GRIN2B: variants seen among roughly 807,000 people sequenced by gnomAD.
GRIN2B encodes glutamate receptor ionotropic, NMDA 2B.
In GRIN2B, 5 loss-of-function variants were observed where a neutral mutation model predicts 114.5. That is an observed-to-expected ratio of 0.04 (90% confidence interval 0.02 to 0.09). The LOEUF is 0.09. GRIN2B is among the 10% of genes least tolerant of loss of function. The pLI is 1.00. For missense variants in GRIN2B, 1,108 were observed against 1,943.5 expected (o/e 0.57, Z 8.08); for synonymous variants, 787 against 745.1 (o/e 1.06, Z -0.92).
At chr12:13,863,659 T>C (rs1591773011) in intron 3 of GRIN2B, among the ~76,000 whole-genome samples, 1 of 152,210 alleles carries the variant, frequency 6.6e-6, no homozygotes, top group Non-Finnish European at 1.5e-5. Flanking sequence ...TCAAAGCCCC[T>C]AAGATACATC....
intron 10 of GRIN2B, among the ~76,000 whole-genome samples, chr12:13,575,890 A>C (rs1239419667): frequency 6.6e-6 from 1 of 152,164 alleles, no homozygotes; most frequent in African/African-American, 2.4e-5. Context: ...ATGTAAAAAA[A>C]ATACTTAATA....
At chr12:13,723,861 A>G (rs1378574365) in intron 4 of GRIN2B, among the ~76,000 whole-genome samples, 1 of 103,090 alleles carries the variant, frequency 9.7e-6, no homozygotes, top group East Asian at 2.7e-4. Flanking sequence ...AACTCAGGAA[A>G]TCCTGCTGAA....
chr12:13,971,571 A>G (rs1295432997), intron 2 of GRIN2B, among the ~76,000 whole-genome samples: 2 of 152,172 alleles, frequency 1.3e-5, no homozygotes, highest in Non-Finnish European at 2.9e-5. Flanking sequence ...TCCAACTAGC[A>G]CTCAGATAAT....
intron 5 of GRIN2B, among the ~76,000 whole-genome samples, chr12:13,658,809 A>G (rs976256838): frequency 1.4e-5 from 2 of 144,530 alleles, no homozygotes; most frequent in African/African-American, 5.2e-5. Context: ...CCAATGATGC[A>G]TGAATGAGAA....
rs1198690763 is a variant in GRIN2B, at chr12:13,854,228, C to A, written c.411+11570G>T. 2.0e-5 allele frequency among the ~76,000 whole-genome samples: 3 copies of A among 152,226 alleles called. No homozygotes were observed. The East Asian group carries it at 5.8e-4, about 29-fold the overall frequency. ...ATGCACATGCACATGAAACAAGAAG[C>A]ATGCCAGAAGCAGTGGCTCAGGCCT... On this transcript the variant is annotated intron_variant, in intron 3 of 13. Transcript: ENST00000609686.
chr12:13,921,526 G>A (rs963255074), intron 2 of GRIN2B, among the ~76,000 whole-genome samples: 1 of 152,158 alleles, frequency 6.6e-6, no homozygotes, highest in Non-Finnish European at 1.5e-5. Context: ...ACCCTCCTCT[G>A]TAATTTCGAG....
chr12:13,738,414 A>T (rs1242900165), intron 4 of GRIN2B, among the ~76,000 whole-genome samples: 2 of 152,308 alleles, frequency 1.3e-5, no homozygotes, highest in Non-Finnish European at 2.9e-5. Context: ...AATGCTGTTT[A>T]AAGTCAAATT....
At chr12:13,693,099 C>A (rs1026831229) in intron 4 of GRIN2B, among the ~76,000 whole-genome samples, 7 of 152,058 alleles carry the variant, frequency 4.6e-5, no homozygotes, top group Non-Finnish European at 8.8e-5. Context: ...ATATAGCTCA[C>A]ATTTATCTTA....
chr12:13,915,881 T>C (rs959837307), intron 2 of GRIN2B, among the ~76,000 whole-genome samples: 1 of 152,030 alleles, frequency 6.6e-6, no homozygotes, highest in African/African-American at 2.4e-5. Context: ...ATGAGATCAC[T>C]CAATGGCTAT....
At chr12:13,592,504 T>C (rs1023432653) in intron 10 of GRIN2B, among the ~76,000 whole-genome samples, 1 of 152,232 alleles carries the variant, frequency 6.6e-6, no homozygotes, top group Non-Finnish European at 1.5e-5. Flanking sequence ...AAATCTGCCT[T>C]TCTTTACCCA....
chr12:13,764,532 A>G (rs1269383682), intron 3 of GRIN2B, among the ~76,000 whole-genome samples: 2 of 152,054 alleles, frequency 1.3e-5, no homozygotes, highest in Admixed American at 6.5e-5. Flanking sequence ...TCTCAACTTG[A>G]CTCTGGGAGA....
chr12:13,540,403 T>A lies in GRIN2B; in HGVS notation c.*22380A>T, dbSNP rs1011121070. 3 of 152,116 alleles carry A rather than the reference T, an allele frequency of 2.0e-5. No homozygotes were observed. The highest frequency in any genetic ancestry group is 4.4e-5 in the Non-Finnish European group (3 of 68,024). The allele number at this position is 152,116 out of a possible 1,614,324, so 9.4% of individuals were successfully genotyped here. A position where few individuals can be genotyped will look rare whatever the true frequency, so the allele number is the denominator to read the frequency against. On this transcript the variant is annotated 3_prime_UTR_variant, in exon 14 of 14. Transcript: ENST00000609686. ...TTGTCTTTTTTTTAATTCGTTTTAA[T>A]TTTTGTTCCTGCATCATTTGAACAA...
chr12:13,856,919 T>A (rs1865671637), intron 3 of GRIN2B, among the ~76,000 whole-genome samples: 1 of 152,208 alleles, frequency 6.6e-6, no homozygotes, highest in African/African-American at 2.4e-5. Flanking sequence ...TCCACCTATA[T>A]GACCCACCCA....
chr12:13,576,613 C>T (rs562169832), intron 10 of GRIN2B, among the ~76,000 whole-genome samples: 4 of 151,518 alleles, frequency 2.6e-5, no homozygotes, highest in Admixed American at 1.3e-4. Context: ...GTGTTGCGAT[C>T]TTGGCTCACT....
rs1948541292 is a variant in GRIN2B, at chr12:13,561,399, A to G, written c.*1384T>C. 1.3e-5 allele frequency: 2 copies of G among 152,166 alleles called. No individual in the cohort carries two copies. The highest frequency in any genetic ancestry group is 4.8e-5 in the African/African-American group (2 of 41,246). The allele number at this position is 152,166 out of a possible 1,614,324, so 9.4% of individuals were successfully genotyped here. On this transcript the variant is annotated 3_prime_UTR_variant, in exon 14 of 14. Coordinates refer to ENST00000609686, the MANE Select transcript of GRIN2B (RefSeq NM_000834.5). ...CCTCTTTTCGTACCTCCAGAGCTGC[A>G]CTCATGGAGTGCAGCTCATTTCTCT...
rs1424299876 is a variant in GRIN2B, at chr12:13,776,464, A to C, written c.412-22549T>G. On this transcript the variant is annotated intron_variant, in intron 3 of 13. Coordinates refer to ENST00000609686, the MANE Select transcript of GRIN2B (RefSeq NM_000834.5). ...AAACTTCCCATTTTATAAATTGGGAAATTCTGAATTTTAGGAATTTTGGAA... is the reference window on the plus strand; with the variant it reads ...AAACTTCCCATTTTATAAATTGGGACATTCTGAATTTTAGGAATTTTGGAA... Among the ~76,000 whole-genome samples, 4 of 152,332 alleles carry C rather than the reference A, an allele frequency of 2.6e-5. No homozygotes were observed. The East Asian group carries it at 7.7e-4, about 29-fold the overall frequency.
intron 2 of GRIN2B, among the ~76,000 whole-genome samples, chr12:13,952,740 A>C (rs944998296): frequency 5.9e-5 from 9 of 151,890 alleles, no homozygotes; most frequent in Middle Eastern, 6.8e-3. Context: ...AAATGTTAGA[A>C]CTTCTATTTA....
Position 13,938,866 on chromosome 12 carries a change from G to A in GRIN2B, c.-19+41062C>T, listed in dbSNP as rs767379301. ...TCATGGACCTGTACACTTAAAATACGTAAATTTTTGTGGCAATTTTACTTC... is the reference window on the plus strand; with the variant it reads ...TCATGGACCTGTACACTTAAAATACATAAATTTTTGTGGCAATTTTACTTC... On this transcript the variant is annotated intron_variant, in intron 2 of 13. Coordinates refer to ENST00000609686, the MANE Select transcript of GRIN2B (RefSeq NM_000834.5). Among the ~76,000 whole-genome samples, 7 of 152,216 alleles carry A rather than the reference G, an allele frequency of 4.6e-5. No individual in the cohort carries two copies. The East Asian group carries it at 1.2e-3, about 25-fold the overall frequency.
chr12:13,847,658 A>G (rs1861788), intron 3 of GRIN2B, among the ~76,000 whole-genome samples: 29,447 of 151,920 alleles, frequency 0.19, 3,175 homozygotes, highest in African/African-American at 0.29. Context: ...GACACGAACC[A>G]GAGATGCAAT....
Sources: gnomAD v4.1 joint callset for allele counts (sites outside exome capture counted in the v4.1 genomes callset) on GRCh38, gnomAD v4.1.1 for gene constraint, MANE v1.5 for transcripts, NCBI Gene and HGNC (gene_info 2026-07-23, HGNC 2026-07-21) for gene names.